Variants in MS4A14 observed in about 807,000 individuals in gnomAD.
The protein encoded by MS4A14 is membrane-spanning 4-domains subfamily A member 14.
Under a neutral mutation model 16.7 loss-of-function variants are expected in MS4A14, and 18 were observed. The observed-to-expected ratio is 1.08, with a 90% CI of 0.75 to 1.60. MS4A14 has a LOEUF of 1.60. Ranked by LOEUF, MS4A14 falls within the 40% of genes most tolerant of loss-of-function variation. The pLI is 0.00. For missense variants in MS4A14, 812 were observed against 775.3 expected (o/e 1.05, Z -0.56); for synonymous variants, 305 against 289.4 (o/e 1.05, Z -0.55).
intron 4 of MS4A14, 58 bp from the exon 5 acceptor site, chr11:60,415,379 A>C (rs1590821626): frequency 1.8e-6 from 2 of 1,138,956 alleles, no homozygotes; most frequent in East Asian, 6.0e-5. Flanking sequence ...CTTGGAAAAC[A>C]AAAAAAAAAT....
chr11:60,399,481 A>G (rs2085678546), intron 2 of MS4A14, among the ~76,000 whole-genome samples: 1 of 152,240 alleles, frequency 6.6e-6, no homozygotes, highest in Non-Finnish European at 1.5e-5. Flanking sequence ...AGTCATGTTA[A>G]GAAAATGGAA....
At chr11:60,396,821 T>A in intron 1 of MS4A14, 105 bp downstream of exon 1, 1 of 1,218,616 alleles carries the variant, frequency 8.2e-7, no homozygotes, top group Non-Finnish European at 1.1e-6. Flanking sequence ...GGGAGGGAGT[T>A]AATTCTACTT....
At chr11:60,410,622 A>G (rs1355470919) in intron 4 of MS4A14, among the ~76,000 whole-genome samples, 1 of 152,188 alleles carries the variant, frequency 6.6e-6, no homozygotes, top group Non-Finnish European at 1.5e-5. Context: ...TGTATATGGT[A>G]TAAGGTAAGG....
chr11:60,400,805 G>A (rs773160958), intron 3 of MS4A14, among the ~76,000 whole-genome samples: 8 of 152,146 alleles, frequency 5.3e-5, no homozygotes, highest in Non-Finnish European at 8.8e-5. Context: ...GGTGTTATTG[G>A]CAACAAGTGA....
chr11:60,400,532 T>C, intron 3 of MS4A14, 78 bp downstream of exon 3: 2 of 1,025,428 alleles, frequency 2.0e-6, no homozygotes, highest in Admixed American at 2.2e-5. Context: ...CCTTTAGTAA[T>C]AAAGTTACCT....
intron 3 of MS4A14, 58 bp from the exon 4 acceptor site, chr11:60,402,854 G>T (rs950010633): frequency 1.3e-6 from 2 of 1,551,442 alleles, no homozygotes; most frequent in Non-Finnish European, 1.8e-6. Flanking sequence ...TTTCTTACAA[G>T]ATATTTTTGC....
At position 60,403,240 on chromosome 11, in the gene MS4A14, T is replaced by TTGTG. The variant is rs547758182; in HGVS notation, c.468+181_468+182insTGTG. Reference sequence around the variant, plus strand: ...GGTTAAGGAGCGATATTTTCTGGACTTGAATCCTGTTCACACAAGCTTGTC... The same window carrying TTGTG: ...GGTTAAGGAGCGATATTTTCTGGACTTGTGTGAATCCTGTTCACACAAGCTTGTC... On this transcript the variant is annotated intron_variant, in intron 4 of 4. Coordinates refer to ENST00000300187, the MANE Select transcript of MS4A14 (RefSeq NM_032597.5). The TTGTG allele has an allele frequency of 6.4e-4, 399 of 627,780 alleles. 1 individual carries two copies. The highest frequency in any genetic ancestry group is 4.4e-3 in the African/African-American group (239 of 54,514). The allele number at this position is 627,780 out of a possible 1,614,324, so 38.9% of individuals were successfully genotyped here. A position where few individuals can be genotyped will look rare whatever the true frequency, so the allele number is the denominator to read the frequency against.
In MS4A14 at chr11:60,415,424, C is replaced by T. The variant is rs781058628; in HGVS notation, c.469-13C>T. 7 of 1,579,464 alleles carry T rather than the reference C, an allele frequency of 4.4e-6. No homozygotes were observed. Among genetic ancestry groups the T allele is most frequent in the Non-Finnish European group, 6.0e-6 (7 of 1,167,022 alleles). Reference sequence around the variant, plus strand: ...TTCTGTCATATTAATTACCCTCATCCTTGCTTTTATAGGTTCTGTTTTTCT... The same window carrying T: ...TTCTGTCATATTAATTACCCTCATCTTTGCTTTTATAGGTTCTGTTTTTCT... On this transcript the variant is annotated splice_polypyrimidine_tract_variant and intron_variant, in intron 4 of 4. Coordinates refer to ENST00000300187, the MANE Select transcript of MS4A14 (RefSeq NM_032597.5).
In MS4A14 at chr11:60,407,006, CTTTTTTTTTTTT is replaced by C. The variant is rs71036579; in HGVS notation, c.468+3960_468+3971del. Among the ~76,000 whole-genome samples the C allele has an allele frequency of 2.7e-4, 20 of 74,636 alleles. No homozygotes were observed. The Admixed American group carries it at 3.4e-3, about 13-fold the overall frequency. The allele number at this position is 74,636 out of a possible 152,430, so 49.0% of individuals were successfully genotyped here. ...CACCACAATTTGTTTATCAATTTAC[CTTTTTTTTTTTT>C]TTTTTTTTTTTTTTGAGTCGAGACC... On this transcript the variant is annotated intron_variant, in intron 4 of 4. Coordinates refer to ENST00000300187, the MANE Select transcript of MS4A14 (RefSeq NM_032597.5).
rs991623638 is a variant in MS4A14 at position 60,415,878 on chromosome 11, T to G, written c.910T>G (p.Phe304Val). 1.3e-5 allele frequency: 21 copies of G among 1,613,800 alleles called. No homozygotes were observed. Among genetic ancestry groups the G allele is most frequent in the Non-Finnish European group, 1.7e-5 (20 of 1,179,936 alleles). ...GGACCAAGCTGCGTCACTCCAAGTTTTTCCATCCCATTCTGCACTAAAACT... is the reference window on the plus strand; with the variant it reads ...GGACCAAGCTGCGTCACTCCAAGTTGTTCCATCCCATTCTGCACTAAAACT... Reference protein sequence around the residue: ...LQDQAASLQVFPSHSALKLED... With the variant: ...LQDQAASLQVVPSHSALKLED... Residue 304 changes from phenylalanine (F) to valine (V), a missense_variant, in exon 5 of 5, where the codon TTT becomes GTT. Transcript: ENST00000300187.
intron 4 of MS4A14, among the ~76,000 whole-genome samples, chr11:60,404,388 A>G (rs2085757591): frequency 6.6e-6 from 1 of 152,164 alleles, no homozygotes; most frequent in Non-Finnish European, 1.5e-5. Context: ...AGACCAATCT[A>G]TTGTCTATAC....
At position 60,396,653 on chromosome 11, in the gene MS4A14, A is replaced by G. The variant is rs150323558; in HGVS notation, c.75A>G (p.Ala25=). 2 of 1,613,946 alleles carry G rather than the reference A, an allele frequency of 1.2e-6. No homozygotes were observed. The highest frequency in any genetic ancestry group is 1.7e-5 in the Admixed American group (1 of 60,006). Residue 25 remains alanine (A), a synonymous_variant, in exon 1 of 5, where the codon GCA becomes GCG. Coordinates refer to ENST00000300187, the MANE Select transcript of MS4A14 (RefSeq NM_032597.5). Reference sequence around the variant, plus strand: ...AACCAAACGAAACTGTATTGACTGCATTTCCCTACAGACCTCATAGCTCTC... The same window carrying G: ...AACCAAACGAAACTGTATTGACTGCGTTTCCCTACAGACCTCATAGCTCTC... ...TIKPNETVLT[A]FPYRPHSSLL... is the part of the protein sequence containing the mutation.
rs576287008 is a variant in MS4A14 at position 60,406,989 on chromosome 11, T to A, written c.468+3928T>A. ...CCCTTTATGTATGGGTACACCACAATTTGTTTATCAATTTACCTTTTTTTT... is the reference window on the plus strand; with the variant it reads ...CCCTTTATGTATGGGTACACCACAAATTGTTTATCAATTTACCTTTTTTTT... On this transcript the variant is annotated intron_variant, in intron 4 of 4. Transcript: ENST00000300187. 2.2e-3 allele frequency among the ~76,000 whole-genome samples: 331 copies of A among 149,896 alleles called. 2 individuals are homozygous for A. Among genetic ancestry groups the A allele is most frequent in the African/African-American group, 7.7e-3 (317 of 40,906 alleles).
chr11:60,416,687 G>A lies in MS4A14; in HGVS notation c.1719G>A (p.Gly573=). ...DQQAEDQQAK[G]EQYPEGQSKD... is the part of the protein sequence containing the mutation. ...AAGCTGAAGATCAGCAAGCCAAAGG[G>A]GAACAATACCCAGAAGGACAATCTA... Residue 573 remains glycine (G), a synonymous_variant, in exon 5 of 5, where the codon GGG becomes GGA. Coordinates refer to ENST00000300187, the MANE Select transcript of MS4A14 (RefSeq NM_032597.5). 6.2e-7 allele frequency: 1 copy of A among 1,613,744 alleles called. No individual in the cohort carries two copies.
intron 4 of MS4A14, among the ~76,000 whole-genome samples, chr11:60,409,487 A>C (rs549755425): frequency 2.6e-5 from 4 of 151,814 alleles, no homozygotes; most frequent in African/African-American, 9.6e-5. Flanking sequence ...GTTGCCACAA[A>C]TGACAGAATT....
chr11:60,396,516 G>GA lies in MS4A14; in HGVS notation c.-62dup. 1 of 1,577,076 alleles carries GA rather than the reference G, an allele frequency of 6.3e-7. No individual in the cohort carries two copies. ...TCCATGTGACTCTGGTGGAGAGGTA[G>GA]ATCATGATTTGGGCGGCAATGTTTG... On this transcript the variant is annotated 5_prime_UTR_variant, in exon 1 of 5. Coordinates refer to ENST00000300187, the MANE Select transcript of MS4A14 (RefSeq NM_032597.5).
Position 60,396,691 on chromosome 11 carries a change from T to C in MS4A14, c.113T>C (p.Leu38Pro). 1 of 1,613,946 alleles carries C rather than the reference T, an allele frequency of 6.2e-7. No homozygotes were observed. The change falls in exon 1 of 5, where the codon CTG (leucine) becomes CCG (proline). Residue 38 changes from leucine (L) to proline (P), a missense_variant. Transcript: ENST00000300187. ...CCTCATAGCTCTCTGCTGGATTTTC[T>C]GAAGGGAGAGCCAAGAGTCTTGGGG... Reference protein sequence around the residue: ...YRPHSSLLDFLKGEPRVLGAT... With the variant: ...YRPHSSLLDFPKGEPRVLGAT...
rs2085623368 is a variant in MS4A14, at chr11:60,396,563, G to A, written c.-16G>A. 1 of 1,611,664 alleles carries A rather than the reference G, an allele frequency of 6.2e-7. No individual in the cohort carries two copies. The highest frequency in any genetic ancestry group is 8.5e-7 in the Non-Finnish European group (1 of 1,178,994). On this transcript the variant is annotated 5_prime_UTR_variant, in exon 1 of 5. Coordinates refer to ENST00000300187, the MANE Select transcript of MS4A14 (RefSeq NM_032597.5). ...TTTGCTCACTCTTTCCCTTACTAGA[G>A]TTCTGCCATAGAATCATGGAGTCAA...
At chr11:60,407,939 T>A (rs1479691571) in intron 4 of MS4A14, among the ~76,000 whole-genome samples, 1 of 152,218 alleles carries the variant, frequency 6.6e-6, no homozygotes, top group Non-Finnish European at 1.5e-5. Flanking sequence ...GGTTTTTGTG[T>A]TCTGTTTAAC....
Sources: gnomAD v4.1 joint callset for allele counts (sites outside exome capture counted in the v4.1 genomes callset) on GRCh38, gnomAD v4.1.1 for gene constraint, MANE v1.5 for transcripts, NCBI Gene and HGNC (gene_info 2026-07-23, HGNC 2026-07-21) for gene names.